GRIN2A: variants seen among roughly 807,000 people sequenced by gnomAD.
GRIN2A encodes the protein glutamate receptor ionotropic, NMDA 2A.
A neutral mutation model predicts 113.4 loss-of-function variants in GRIN2A; 22 were observed. The ratio of observed to expected loss-of-function variants is 0.19; its 90% CI spans 0.14 to 0.28. The LOEUF is 0.28. Among genes scored for constraint, GRIN2A ranks in the 10% least tolerant of loss-of-function variants. The pLI, the probability that GRIN2A is intolerant of heterozygous loss-of-function variation, is 1.00. For synonymous variants in GRIN2A, 827 were observed against 738.4 expected (o/e 1.12, Z -1.94); for missense variants, 1,502 against 1,887.0 (o/e 0.80, Z 3.78).
In GRIN2A at chr16:9,788,669, T is replaced by G. The variant is rs931041987; in HGVS notation, c.2356+9608A>C. On this transcript the variant is annotated intron_variant, in intron 11 of 12. Coordinates refer to ENST00000330684, the MANE Select transcript of GRIN2A (RefSeq NM_001134407.3). ...TTTTCCTTCCCCACACTATTTGTCT[T>G]TCTTTCTTCTTGTTCTCATCTTCAT... 3.9e-5 allele frequency among the ~76,000 whole-genome samples: 6 copies of G among 151,920 alleles called. 1 individual carries two copies. The highest frequency in any genetic ancestry group is 7.4e-5 in the Non-Finnish European group (5 of 67,978).
chr16:9,778,473 G>A (rs78429153), intron 11 of GRIN2A, among the ~76,000 whole-genome samples: 2,199 of 152,282 alleles, frequency 0.014, 33 homozygotes, highest in Non-Finnish European at 0.024. Flanking sequence ...TCATGGGAAG[G>A]TTATGAGGAC....
chr16:9,906,368 CT>C (rs1350096301), intron 3 of GRIN2A, among the ~76,000 whole-genome samples: 3 of 152,184 alleles, frequency 2.0e-5, no homozygotes, highest in Non-Finnish European at 4.4e-5. Context: ...CACTTCTTAG[CT>C]TTTGTTCCTA....
At chr16:9,770,694 T>C (rs1397516421) in intron 11 of GRIN2A, among the ~76,000 whole-genome samples, 2 of 152,234 alleles carry the variant, frequency 1.3e-5, no homozygotes, top group African/African-American at 4.8e-5. Context: ...TCAATCTGAA[T>C]ACTTAGAACT....
chr16:10,038,994 A>C (rs1723295335), intron 2 of GRIN2A, among the ~76,000 whole-genome samples: 1 of 151,946 alleles, frequency 6.6e-6, no homozygotes, highest in South Asian at 2.1e-4. Flanking sequence ...TGGCCCCCTC[A>C]TCCCCCAAAC....
intron 2 of GRIN2A, among the ~76,000 whole-genome samples, chr16:9,958,877 G>C (rs1268678683): frequency 1.3e-5 from 2 of 152,166 alleles, no homozygotes; most frequent in African/African-American, 4.8e-5. Flanking sequence ...TACATCCCTT[G>C]TGCTGGCTGT....
chr16:9,799,119 C>T (rs1020419643), intron 10 of GRIN2A, among the ~76,000 whole-genome samples: 12 of 152,260 alleles, frequency 7.9e-5, no homozygotes, highest in African/African-American at 2.9e-4. Flanking sequence ...TCTATAAAGA[C>T]AAGATAATAA....
At chr16:10,042,375 C>T (rs1442454894) in intron 2 of GRIN2A, among the ~76,000 whole-genome samples, 3 of 152,032 alleles carry the variant, frequency 2.0e-5, no homozygotes, top group African/African-American at 7.2e-5. Flanking sequence ...TGAGGGACTT[C>T]AAGCAGCCCC....
At chr16:9,887,866 C>T (rs1286796720) in intron 4 of GRIN2A, among the ~76,000 whole-genome samples, 1 of 152,158 alleles carries the variant, frequency 6.6e-6, no homozygotes, top group East Asian at 1.9e-4. Context: ...TGAGACCAGC[C>T]TGGCCAACAT....
rs763143802 is a variant in GRIN2A at position 9,823,130 on chromosome 16, T to C, written c.2008-706A>G. Among the ~76,000 whole-genome samples the C allele has an allele frequency of 5.3e-5, 8 of 152,280 alleles. No individual in the cohort carries two copies. The Middle Eastern group carries it at 0.017, about 324-fold the overall frequency. On this transcript the variant is annotated intron_variant, in intron 9 of 12. Transcript: ENST00000330684. ...TCAAGCCCCCCATAAAGGCCTGTAG[T>C]CCATGCATCACCAGTCTTCTCTGAT... is the stretch of plus-strand genomic sequence containing the variant.
chr16:10,106,348 A>T (rs1489718600), intron 2 of GRIN2A, among the ~76,000 whole-genome samples: 1 of 151,920 alleles, frequency 6.6e-6, no homozygotes, highest in East Asian at 1.9e-4. Flanking sequence ...ACTGCTTGAG[A>T]CCAGGAATTC....
At chr16:9,924,727 A>T (rs1031133923) in intron 3 of GRIN2A, among the ~76,000 whole-genome samples, 1 of 152,112 alleles carries the variant, frequency 6.6e-6, no homozygotes, top group Non-Finnish European at 1.5e-5. Context: ...TGTTTTCTCT[A>T]AGAGTTTCAT....
intron 9 of GRIN2A, among the ~76,000 whole-genome samples, chr16:9,827,180 G>T (rs1446607026): frequency 6.6e-6 from 1 of 152,268 alleles, no homozygotes; most frequent in Non-Finnish European, 1.5e-5. Flanking sequence ...GGCACCGTGA[G>T]GTGACATGGC....
chr16:9,934,727 T>G (rs923016810), intron 3 of GRIN2A, among the ~76,000 whole-genome samples: 5 of 151,200 alleles, frequency 3.3e-5, no homozygotes, highest in African/African-American at 1.2e-4. Flanking sequence ...CCTTTTTGTT[T>G]TTTTGTTTTT....
chr16:10,168,674 G>C (rs544146556), intron 2 of GRIN2A, among the ~76,000 whole-genome samples: 2 of 152,230 alleles, frequency 1.3e-5, no homozygotes, highest in South Asian at 4.1e-4. Flanking sequence ...ACTCCTTATA[G>C]TTTCACTCTT....
At chr16:9,954,899 A>G (rs556512175) in intron 2 of GRIN2A, among the ~76,000 whole-genome samples, 1 of 152,216 alleles carries the variant, frequency 6.6e-6, no homozygotes, top group Non-Finnish European at 1.5e-5. Context: ...TATGTTCATT[A>G]TGTTGAGTGG....
At chr16:9,946,220 G>A (rs2045014832) in intron 2 of GRIN2A, among the ~76,000 whole-genome samples, 1 of 152,126 alleles carries the variant, frequency 6.6e-6, no homozygotes, top group South Asian at 2.1e-4. Context: ...CTGGTGCTCT[G>A]TCAACATGCA....
At chr16:10,123,671 C>A (rs1165860318) in intron 2 of GRIN2A, among the ~76,000 whole-genome samples, 3 of 152,110 alleles carry the variant, frequency 2.0e-5, no homozygotes, top group Non-Finnish European at 4.4e-5. Flanking sequence ...TGAGATTCTG[C>A]ATTCAGGTTC....
intron 2 of GRIN2A, among the ~76,000 whole-genome samples, chr16:10,063,441 C>G (rs1042043758): frequency 6.6e-6 from 1 of 152,302 alleles, no homozygotes; most frequent in East Asian, 1.9e-4. Context: ...ATTTCTAGTA[C>G]ATAACCTGGT....
At chr16:10,057,731 C>T (rs1184402510) in intron 2 of GRIN2A, among the ~76,000 whole-genome samples, 1 of 152,074 alleles carries the variant, frequency 6.6e-6, no homozygotes, top group Non-Finnish European at 1.5e-5. Flanking sequence ...ACAGGGAGTC[C>T]ACTGAAGACT....
Sources: allele counts gnomAD v4.1 joint callset (sites outside exome capture counted in the v4.1 genomes callset), GRCh38; gene constraint gnomAD v4.1.1; transcripts MANE v1.5; gene names NCBI Gene and HGNC (gene_info 2026-07-23, HGNC 2026-07-21).